The following RGS3 variants were observed in gnomAD, a reference collection of about 807,000 sequenced individuals.
The protein encoded by RGS3 is regulator of G-protein signalling 3.
A neutral mutation model predicts 132.6 loss-of-function variants in RGS3; 80 were observed. The observed-to-expected ratio is 0.60, with a 90% CI of 0.50 to 0.73. The LOEUF is 0.73. Ranked by LOEUF, RGS3 falls within the 30% of genes least tolerant of loss-of-function variation. The probability of loss-of-function intolerance (pLI) is 0.00; values close to 1 mark genes in which losing one functional copy is unlikely to be tolerated. For synonymous variants in RGS3, 598 were observed against 620.6 expected (o/e 0.96, Z 0.54); for missense variants, 1,382 against 1,530.8 (o/e 0.90, Z 1.62).
chr9:113,448,817 G>T (rs150696926), intron 1 of RGS3, among the ~76,000 whole-genome samples: 138 of 152,272 alleles, frequency 9.1e-4, no homozygotes, highest in Non-Finnish European at 1.7e-3. Context: ...TGAGGTAAGT[G>T]GTACAAAGAA....
chr9:113,564,976 AGGCC>A, intron 19 of RGS3: 1 of 1,020,506 alleles, frequency 9.8e-7, no homozygotes, highest in Non-Finnish European at 1.2e-6. Context: ...GGCTGCCAGC[AGGCC>A]GGCTGGAGGC....
At chr9:113,529,009 C>T (rs1369122055) in intron 17 of RGS3, among the ~76,000 whole-genome samples, 2 of 152,206 alleles carry the variant, frequency 1.3e-5, no homozygotes, top group Non-Finnish European at 1.5e-5. Context: ...CAGGCTGACC[C>T]GCAGGCAAAT....
chr9:113,584,374 C>T (rs745627015), exon 20 of RGS3: 47 of 1,551,456 alleles, frequency 3.0e-5, no homozygotes, highest in East Asian at 9.0e-5. Context: ...AGAGCTGGGC[C>T]GCAATGGTGG....
At chr9:113,446,281 T>A (rs573241278) in intron 1 of RGS3, among the ~76,000 whole-genome samples, 1 of 152,336 alleles carries the variant, frequency 6.6e-6, no homozygotes, top group East Asian at 1.9e-4. Context: ...TAACAGATAT[T>A]GGGTATCTAA....
At chr9:113,594,267 C>T in intron 21 of RGS3, 163 bp from the exon 20 acceptor site, 1 of 1,609,646 alleles carries the variant, frequency 6.2e-7, no homozygotes, top group Non-Finnish European at 8.5e-7. Context: ...AGGTGGGGGG[C>T]CCTACAGAGA....
intron 16 of RGS3, among the ~76,000 whole-genome samples, chr9:113,518,046 TCTG>T (rs1192273119): frequency 3.9e-5 from 6 of 152,192 alleles, no homozygotes; most frequent in Non-Finnish European, 8.8e-5. Flanking sequence ...CATGTCCTCT[TCTG>T]AGAGACGAGT....
chr9:113,567,694 G>A (rs1834074572), intron 19 of RGS3, among the ~76,000 whole-genome samples: 1 of 152,224 alleles, frequency 6.6e-6, no homozygotes, highest in Admixed American at 6.5e-5. Context: ...GTCATGCTGG[G>A]CTAGGTGGAA....
intron 19 of RGS3, among the ~76,000 whole-genome samples, chr9:113,547,527 T>C (rs1479981080): frequency 3.3e-5 from 5 of 152,226 alleles, no homozygotes; most frequent in Non-Finnish European, 7.3e-5. Flanking sequence ...TGAACTCTTT[T>C]GTTTCAACTT....
chr9:113,451,145 C>G (rs1422337078), intron 1 of RGS3, among the ~76,000 whole-genome samples: 1 of 150,918 alleles, frequency 6.6e-6, no homozygotes, highest in Non-Finnish European at 1.5e-5. Context: ...ACCACTGCAC[C>G]TCCAGCCTGG....
At chr9:113,538,011 G>A (rs766807556) in intron 19 of RGS3, among the ~76,000 whole-genome samples, 7 of 152,188 alleles carry the variant, frequency 4.6e-5, no homozygotes, top group Non-Finnish European at 7.3e-5. Context: ...GGAAAAGCAC[G>A]GACTTCTGAG....
At chr9:113,535,380 C>T (rs1166999611) in intron 18 of RGS3, among the ~76,000 whole-genome samples, 6 of 152,094 alleles carry the variant, frequency 3.9e-5, no homozygotes, top group Non-Finnish European at 7.4e-5. Flanking sequence ...AGCATGTTGG[C>T]CAGGCTGTTC....
At chr9:113,548,911 C>T (rs910030639) in intron 19 of RGS3, among the ~76,000 whole-genome samples, 2 of 152,184 alleles carry the variant, frequency 1.3e-5, no homozygotes, top group Admixed American at 6.5e-5. Context: ...GCCTGGCAGG[C>T]GAGGAGTCCC....
At chr9:113,550,897 T>G (rs1833313461) in intron 19 of RGS3, among the ~76,000 whole-genome samples, 1 of 152,238 alleles carries the variant, frequency 6.6e-6, no homozygotes, top group Admixed American at 6.5e-5. Context: ...TTATTTTTAT[T>G]ATTTCTTTAA....
At chr9:113,466,772 A>G (rs1829658447) in intron 3 of RGS3, among the ~76,000 whole-genome samples, 1 of 152,248 alleles carries the variant, frequency 6.6e-6, no homozygotes, top group Admixed American at 6.5e-5. Context: ...TTTAAACCAT[A>G]CAATTCAATG....
Position 113,556,519 on chromosome 9 carries a change from G to A in RGS3, c.2037+19601G>A, listed in dbSNP as rs1030760370. ...TCATAGATGAGAAAACAAAGGAAAA[G>A]AGAGATTGAGCAGATTATACAAGGT... On this transcript the variant is annotated intron_variant, in intron 19 of 24. Transcript: ENST00000350696. Among the ~76,000 whole-genome samples, 6 of 152,278 alleles carry A rather than the reference G, an allele frequency of 3.9e-5. No homozygotes were observed. In the East Asian group the frequency reaches 1.2e-3, roughly 29 times the overall value.
At chr9:113,477,414 T>C (rs572305073) in intron 3 of RGS3, among the ~76,000 whole-genome samples, 8 of 152,282 alleles carry the variant, frequency 5.3e-5, no homozygotes, top group African/African-American at 1.9e-4. Flanking sequence ...GACTGAAGCT[T>C]AACCACCAGA....
intron 19 of RGS3, among the ~76,000 whole-genome samples, chr9:113,564,189 AC>A (rs1564574855): frequency 6.6e-6 from 1 of 152,218 alleles, no homozygotes; most frequent in Non-Finnish European, 1.5e-5. Context: ...AGTAGGAGCA[AC>A]TAGTTTTCAG....
chr9:113,553,451 AAAAAAAAAATATAT>A (rs1390374596), intron 19 of RGS3, among the ~76,000 whole-genome samples: 49 of 109,002 alleles, frequency 4.5e-4, no homozygotes, highest in Middle Eastern at 4.0e-3. Context: ...TAAAAAAAAA[AAAAAAAAAATATAT>A]ATATATATAT....
chr9:113,517,350 A>G (rs1831729025), intron 15 of RGS3, 191 bp from the exon 14 acceptor site: 1 of 688,768 alleles, frequency 1.5e-6, no homozygotes, highest in Admixed American at 2.0e-5. Flanking sequence ...TCCACAGGAC[A>G]GCAGCGTCTC....
Sources: gnomAD v4.1 joint callset for allele counts (sites outside exome capture counted in the v4.1 genomes callset) on GRCh38, gnomAD v4.1.1 for gene constraint, MANE v1.5 for transcripts, NCBI Gene and HGNC (gene_info 2026-07-23, HGNC 2026-07-21) for gene names.